The following SLC35F2 variants were observed in gnomAD, a reference collection of about 807,000 sequenced individuals.
SLC35F2 encodes queuine/queuosine transporter SLC35F2.
Under a neutral mutation model 38.1 loss-of-function variants are expected in SLC35F2, and 25 were observed. The observed-to-expected ratio is 0.66, with a 90% CI of 0.48 to 0.92. The LOEUF is 0.92. SLC35F2 is among the 40% of genes least tolerant of loss of function. The pLI is 0.00. For missense variants in SLC35F2, 409 were observed against 452.9 expected (o/e 0.90, Z 0.88); for synonymous variants, 173 against 181.7 (o/e 0.95, Z 0.38).
At position 107,843,479 on chromosome 11, in the gene SLC35F2, G is replaced by A. The variant is rs1860043613; in HGVS notation, c.110+15179C>T. Among the ~76,000 whole-genome samples the A allele has an allele frequency of 2.0e-5, 3 of 151,978 alleles. No homozygotes were observed. In the South Asian group the frequency reaches 6.2e-4, roughly 32 times the overall value. On this transcript the variant is annotated intron_variant, in intron 1 of 7. Coordinates refer to ENST00000525815, the MANE Select transcript of SLC35F2 (RefSeq NM_017515.5). The stretch of plus-strand genomic sequence containing the variant: ...GCAGGAGAATCGCTTGAACCCAAGA[G>A]GTGGAGATTACAGTGAGCCAAGATC...
chr11:107,793,312 C>T (rs186872052), intron 7 of SLC35F2, among the ~76,000 whole-genome samples: 1 of 152,238 alleles, frequency 6.6e-6, no homozygotes, highest in African/African-American at 2.4e-5. Flanking sequence ...CCAACAGCAC[C>T]CGGCACATAA....
rs767524221 is a variant in SLC35F2, at chr11:107,815,948, A to G, written c.128T>C (p.Ile43Thr). 6.2e-7 allele frequency: 1 copy of G among 1,609,602 alleles called. No homozygotes were observed. Among genetic ancestry groups the G allele is most frequent in the South Asian group, 1.1e-5 (1 of 89,860 alleles). Residue 43 changes from isoleucine to threonine, a missense_variant, in exon 2 of 8, where the codon ATT (isoleucine) becomes ACT (threonine). Coordinates refer to ENST00000525815, the MANE Select transcript of SLC35F2 (RefSeq NM_017515.5). ...KLFTWNILKT[I>T]ALGQMLSLCI... is the part of the protein sequence containing the mutation. ...CAAGGACAACATCTGACCCAGGGCA[A>G]TTGTTTTCAAAATATTCCTAGAAAA...
chr11:107,810,019 C>T (rs1242784391), intron 3 of SLC35F2: 4 of 985,288 alleles, frequency 4.1e-6, no homozygotes, highest in East Asian at 1.1e-4. Context: ...TTGGTAATTA[C>T]AGAACCTTCT....
chr11:107,818,566 T>C (rs927210545), intron 1 of SLC35F2, among the ~76,000 whole-genome samples: 2 of 152,200 alleles, frequency 1.3e-5, no homozygotes, highest in Admixed American at 6.5e-5. Context: ...ACAAATAGTA[T>C]TGTTTCAAAA....
intron 3 of SLC35F2, 149 bp downstream of exon 3, chr11:107,811,518 A>G: frequency 1.4e-6 from 1 of 713,028 alleles, no homozygotes; most frequent in Non-Finnish European, 2.2e-6. Context: ...TACTCATTAG[A>G]GCATATGCTC....
At chr11:107,826,806 A>C (rs531691339) in intron 1 of SLC35F2, among the ~76,000 whole-genome samples, 41 of 148,668 alleles carry the variant, frequency 2.8e-4, no homozygotes, top group African/African-American at 8.4e-4. Context: ...TACTAATTTG[A>C]TAGTACACTC....
chr11:107,832,897 T>C (rs564966554), intron 1 of SLC35F2, among the ~76,000 whole-genome samples: 2 of 152,300 alleles, frequency 1.3e-5, no homozygotes, highest in South Asian at 4.1e-4. Flanking sequence ...CAACTCCTCA[T>C]GTTTAATCCT....
chr11:107,834,730 C>T (rs1010278168), intron 1 of SLC35F2, among the ~76,000 whole-genome samples: 4 of 152,186 alleles, frequency 2.6e-5, no homozygotes, highest in Non-Finnish European at 4.4e-5. Flanking sequence ...AATGCGATTT[C>T]TCTCTATAAA....
At chr11:107,816,390 T>C in intron 1 of SLC35F2, 1 of 577,178 alleles carries the variant, frequency 1.7e-6, no homozygotes, top group Non-Finnish European at 2.2e-6. Flanking sequence ...CAAGCAATCC[T>C]CCCACTTCAG....
intron 3 of SLC35F2, chr11:107,809,567 G>C (rs999663949): frequency 2.3e-6 from 1 of 441,286 alleles, no homozygotes; most frequent in Non-Finnish European, 3.0e-6. Flanking sequence ...GGGAGGCGGA[G>C]GCTGCAGTGA....
At chr11:107,834,963 C>T (rs963817901) in intron 1 of SLC35F2, among the ~76,000 whole-genome samples, 1 of 152,124 alleles carries the variant, frequency 6.6e-6, no homozygotes, top group African/African-American at 2.4e-5. Flanking sequence ...ATATACAACT[C>T]CTGTAATACC....
chr11:107,818,373 G>A (rs904810089), intron 1 of SLC35F2, among the ~76,000 whole-genome samples: 1 of 152,232 alleles, frequency 6.6e-6, no homozygotes, highest in South Asian at 2.1e-4. Context: ...AGAGGTTAGA[G>A]TGAGCTGAGA....
At position 107,806,801 on chromosome 11, in the gene SLC35F2, G is replaced by C. The variant is rs1343424520; in HGVS notation, c.490C>G (p.His164Asp). Residue 164 changes from histidine (H) to aspartate (D), a missense_variant, in exon 4 of 8, where the codon CAC (histidine) becomes GAC (aspartate). Transcript: ENST00000525815. ...FILHARYRVIHFIAVAVCLLG... is the reference protein window; with the variant it reads ...FILHARYRVIDFIAVAVCLLG... Reference sequence around the variant, plus strand: ...AGACAGACAGCCACGGCGATGAAGTGGATCACTCTGTATCTTGCATGAAGA... The same window carrying C: ...AGACAGACAGCCACGGCGATGAAGTCGATCACTCTGTATCTTGCATGAAGA... 1 of 1,613,916 alleles carries C rather than the reference G, an allele frequency of 6.2e-7. No homozygotes were observed.
Position 107,816,267 on chromosome 11 carries a change from C to CGT in SLC35F2, c.111-304_111-303dup, listed in dbSNP as rs72313181. ...TAACATATACTTTGTAAAGTGCGCACGTGTGTGTGTGTGTGTATGACTTTT... is the reference window on the plus strand; with the variant it reads ...TAACATATACTTTGTAAAGTGCGCACGTGTGTGTGTGTGTGTGTATGACTTTT... On this transcript the variant is annotated intron_variant, in intron 1 of 7. Coordinates refer to ENST00000525815, the MANE Select transcript of SLC35F2 (RefSeq NM_017515.5). The CGT allele has an allele frequency of 5.0e-4, 474 of 951,228 alleles. 1 individual carries two copies. Among genetic ancestry groups the CGT allele is most frequent in the East Asian group, 1.5e-3 (13 of 8,544 alleles). The allele number at this position is 951,228 out of a possible 1,614,324, so 58.9% of individuals were successfully genotyped here.
chr11:107,804,704 A>G lies in SLC35F2; in HGVS notation c.784+14T>C. 1 of 1,573,580 alleles carries G rather than the reference A, an allele frequency of 6.4e-7. No individual in the cohort carries two copies. Among genetic ancestry groups the G allele is most frequent in the Non-Finnish European group, 8.7e-7 (1 of 1,149,046 alleles). ...TAAAGAATGCTGACTAAAAGGAATTATTTCTTTACATACCAATTTTCCAGT... is the reference window on the plus strand; with the variant it reads ...TAAAGAATGCTGACTAAAAGGAATTGTTTCTTTACATACCAATTTTCCAGT... On this transcript the variant is annotated intron_variant, in intron 6 of 7. Transcript: ENST00000525815.
At chr11:107,855,370 A>C in intron 1 of SLC35F2, among the ~76,000 whole-genome samples, 1 of 152,156 alleles carries the variant, frequency 6.6e-6, no homozygotes, top group East Asian at 1.9e-4. Context: ...AACTTCGTCC[A>C]TGGCCAGGCG....
intron 7 of SLC35F2, among the ~76,000 whole-genome samples, chr11:107,796,014 A>G (rs1173687284): frequency 1.3e-5 from 2 of 152,198 alleles, no homozygotes. Flanking sequence ...GCACCTATCC[A>G]GCTACTCGGG....
chr11:107,818,939 A>C (rs1245799516), intron 1 of SLC35F2, among the ~76,000 whole-genome samples: 1 of 152,150 alleles, frequency 6.6e-6, no homozygotes, highest in African/African-American at 2.4e-5. Context: ...CCAAGAGTTC[A>C]AAACCACCCT....
At chr11:107,842,287 T>TAAAAAAAAAAAAAAAAAAAA (rs1292690214) in intron 1 of SLC35F2, among the ~76,000 whole-genome samples, 7 of 71,180 alleles carry the variant, frequency 9.8e-5, no homozygotes, top group Non-Finnish European at 1.2e-4. Flanking sequence ...AAAAAAAAAT[T>TAAAAAAAAAAAAAAAAAAAA]AAAGCTTGAC....
Sources: allele counts gnomAD v4.1 joint callset (sites outside exome capture counted in the v4.1 genomes callset), GRCh38; gene constraint gnomAD v4.1.1; transcripts MANE v1.5; gene names NCBI Gene and HGNC (gene_info 2026-07-23, HGNC 2026-07-21).